Variants in WDFY3 observed in about 807,000 individuals in gnomAD.
WDFY3 encodes WD repeat and FYVE domain containing 3.
Under a neutral mutation model 409.6 loss-of-function variants are expected in WDFY3, and 66 were observed. The ratio of observed to expected loss-of-function variants is 0.16; its 90% CI spans 0.13 to 0.20. The LOEUF is 0.20. Among genes scored for constraint, WDFY3 ranks in the 10% least tolerant of loss-of-function variants. WDFY3 has a pLI of 1.00. For missense variants in WDFY3, 3,031 were observed against 4,298.1 expected, an observed-to-expected ratio of 0.71 and a Z score of 8.24; for synonymous variants, 1,521 against 1,537.1, an observed-to-expected ratio of 0.99 and a Z score of 0.25.
rs149674550 is a variant in WDFY3, at chr4:84,750,451, T to C, written c.5973+1032A>G. On this transcript the variant is annotated intron_variant, in intron 36 of 67. Coordinates refer to ENST00000295888, the MANE Select transcript of WDFY3 (RefSeq NM_014991.6). ...GTTTCTATTTATAAGTTAACTGTAC[T>C]AGCCACTAGAGGGAGCACAAAAAAA... 6.6e-4 allele frequency among the ~76,000 whole-genome samples: 100 copies of C among 151,974 alleles called. 1 individual carries two copies. In the East Asian group the frequency reaches 0.017, roughly 27 times the overall value.
At chr4:84,943,625 G>A (rs758259029) in intron 1 of WDFY3, among the ~76,000 whole-genome samples, 1 of 152,248 alleles carries the variant, frequency 6.6e-6, no homozygotes, top group Non-Finnish European at 1.5e-5. Context: ...AAAGTTATAT[G>A]CAGATCAACT....
At chr4:84,789,610 G>C in intron 22 of WDFY3, 116 bp downstream of exon 22, 1 of 1,130,284 alleles carries the variant, frequency 8.8e-7, no homozygotes, top group Non-Finnish European at 1.2e-6. Flanking sequence ...AATTAAGAAA[G>C]TAATTTTAAA....
chr4:84,706,642 C>G (rs1731997855), intron 53 of WDFY3, among the ~76,000 whole-genome samples: 1 of 151,488 alleles, frequency 6.6e-6, no homozygotes, highest in African/African-American at 2.4e-5. Flanking sequence ...ACAGAAGGGT[C>G]CCCATCACCG....
In WDFY3 at chr4:84,751,080, T is replaced by C. The variant is rs1337478639; in HGVS notation, c.5973+403A>G. On this transcript the variant is annotated intron_variant, in intron 36 of 67. Transcript: ENST00000295888. ...TGTGGGCCAAATCCAGCCTGTGCTG[T>C]TTCTGTAGATAAAGTTTTATCAGAA... Among the ~76,000 whole-genome samples the C allele has an allele frequency of 2.6e-5, 4 of 152,278 alleles. No individual in the cohort carries two copies. The East Asian group carries it at 7.7e-4, about 29-fold the overall frequency.
intron 24 of WDFY3, 32 bp downstream of exon 24, chr4:84,785,947 G>C (rs750352419): frequency 6.2e-7 from 1 of 1,611,062 alleles, no homozygotes; most frequent in Non-Finnish European, 8.5e-7. Context: ...GTGAGAATCA[G>C]CCATAGTACA....
intron 67 of WDFY3, among the ~76,000 whole-genome samples, chr4:84,676,893 G>GTA (rs1276927825): frequency 6.6e-6 from 1 of 152,140 alleles, no homozygotes; most frequent in African/African-American, 2.4e-5. Context: ...GGTGCAAAGA[G>GTA]GATACTTACA....
At chr4:84,925,987 GGA>G (rs1769929869) in intron 2 of WDFY3, among the ~76,000 whole-genome samples, 1 of 151,258 alleles carries the variant, frequency 6.6e-6, no homozygotes, top group Non-Finnish European at 1.5e-5. Context: ...AAAAGGTAAG[GGA>G]GAGACTAAAC....
rs757481002 is a variant in WDFY3 at position 84,900,398 on chromosome 4, A to AT, written c.-131-3389dup. Among the ~76,000 whole-genome samples the AT allele has an allele frequency of 3.3e-5, 5 of 151,652 alleles. No homozygotes were observed. The East Asian group carries it at 9.7e-4, about 29-fold the overall frequency. ...AACACCACAACCAGCTAATTTTTAAATTTTTTTCATAAAGGTGGGGTCTCA... is the reference window on the plus strand; with the variant it reads ...AACACCACAACCAGCTAATTTTTAAATTTTTTTTCATAAAGGTGGGGTCTCA... On this transcript the variant is annotated intron_variant, in intron 2 of 67. Transcript: ENST00000295888.
At chr4:84,677,107 C>T (rs1394286665) in intron 67 of WDFY3, 92 bp downstream of exon 67, 30 of 1,475,996 alleles carry the variant, frequency 2.0e-5, no homozygotes, top group African/African-American at 1.4e-4. Flanking sequence ...GTAGTGGGGA[C>T]GCCAGGGCAA....
chr4:84,780,909 T>C (rs1746395643), intron 25 of WDFY3, among the ~76,000 whole-genome samples: 1 of 152,194 alleles, frequency 6.6e-6, no homozygotes, highest in African/African-American at 2.4e-5. Context: ...ATGTTTCTAC[T>C]GTGTAGCTCT....
rs953052386 is a variant in WDFY3 at position 84,966,493 on chromosome 4, G to C, written c.-510C>G. The C allele has an allele frequency of 3.8e-5, 6 of 158,380 alleles. No individual in the cohort carries two copies. The highest frequency in any genetic ancestry group is 8.4e-5 in the Non-Finnish European group (6 of 71,552). The allele number at this position is 158,380 out of a possible 1,614,324, so 9.8% of individuals were successfully genotyped here. On this transcript the variant is annotated 5_prime_UTR_variant, in exon 1 of 68. Transcript: ENST00000295888. ...CTCCTGCCCCCGTCCCTGCTCCGCC[G>C]CGTCCTCGTCCTCGCTGGGTCCCCG...
chr4:84,759,951 A>G (rs2149350958), intron 32 of WDFY3, among the ~76,000 whole-genome samples: 1 of 151,522 alleles, frequency 6.6e-6, no homozygotes, highest in South Asian at 2.1e-4. Flanking sequence ...TGTCATAGAT[A>G]GCTCTTATTA....
chr4:84,846,518 A>G (rs1758098274), intron 5 of WDFY3, among the ~76,000 whole-genome samples: 1 of 151,392 alleles, frequency 6.6e-6, no homozygotes, highest in Non-Finnish European at 1.5e-5. Context: ...GTAGCAAAAT[A>G]TCTTTCTACA....
At chr4:84,724,691 TTTTA>T in intron 45 of WDFY3, 97 bp from the exon 46 acceptor site, 2 of 1,361,806 alleles carry the variant, frequency 1.5e-6, no homozygotes, top group East Asian at 4.9e-5. Flanking sequence ...TGTGTTACCT[TTTTA>T]AAGGGGCTTT....
At chr4:84,947,579 T>C (rs1773042128) in intron 1 of WDFY3, among the ~76,000 whole-genome samples, 1 of 147,618 alleles carries the variant, frequency 6.8e-6, no homozygotes, top group South Asian at 2.1e-4. Context: ...AAAATAAAAA[T>C]TCCTGCTAGG....
At chr4:84,891,280 C>T (rs937213092) in intron 3 of WDFY3, among the ~76,000 whole-genome samples, 7 of 152,116 alleles carry the variant, frequency 4.6e-5, no homozygotes, top group Non-Finnish European at 7.3e-5. Flanking sequence ...TATTTTCCTG[C>T]GTAAACTGCT....
intron 1 of WDFY3, among the ~76,000 whole-genome samples, chr4:84,957,383 C>T (rs973068059): frequency 6.6e-6 from 1 of 151,660 alleles, no homozygotes; most frequent in African/African-American, 2.4e-5. Context: ...CTATTGGACA[C>T]AGTAATTTTT....
At chr4:84,828,105 G>A (rs1013274572) in intron 9 of WDFY3, among the ~76,000 whole-genome samples, 1 of 151,796 alleles carries the variant, frequency 6.6e-6, no homozygotes, top group Non-Finnish European at 1.5e-5. Flanking sequence ...GAGGAAGGGA[G>A]GAAGGAAGGG....
intron 16 of WDFY3, among the ~76,000 whole-genome samples, chr4:84,802,823 A>G (rs964659693): frequency 2.0e-5 from 3 of 152,224 alleles, no homozygotes; most frequent in African/African-American, 7.2e-5. Flanking sequence ...TAACTAGTTT[A>G]AAGGCAAGCC....
Sources: allele counts gnomAD v4.1 joint callset (sites outside exome capture counted in the v4.1 genomes callset), GRCh38; gene constraint gnomAD v4.1.1; transcripts MANE v1.5; gene names NCBI Gene and HGNC (gene_info 2026-07-23, HGNC 2026-07-21).